ADCK5: variants seen among roughly 807,000 people sequenced by gnomAD.
ADCK5 encodes the protein aarF domain containing kinase 5.
Under a neutral mutation model 64.9 loss-of-function variants are expected in ADCK5, and 43 were observed. The ratio of observed to expected loss-of-function variants is 0.66; its 90% CI spans 0.52 to 0.85. The LOEUF (loss-of-function observed/expected upper bound fraction) is 0.85, where lower values mean the gene tolerates loss of function less well. ADCK5 is among the 40% of genes least tolerant of loss of function. ADCK5 has a pLI of 0.00. For synonymous variants in ADCK5, 434 were observed against 342.8 expected, an observed-to-expected ratio of 1.27 and a Z score of -2.94; for missense variants, 760 against 810.5, an observed-to-expected ratio of 0.94 and a Z score of 0.76.
rs1554860185 is a variant in ADCK5 at position 144,390,657 on chromosome 8, A to T, written c.267-14A>T. The T allele has an allele frequency of 3.7e-6, 6 of 1,612,520 alleles. No homozygotes were observed. On this transcript the variant is annotated splice_polypyrimidine_tract_variant and intron_variant, in intron 3 of 14. Transcript: ENST00000308860. The stretch of plus-strand genomic sequence containing the variant: ...GCCTGCCCCGCTGGAGACTGAGGCC[A>T]CCTCTGCCCGCAGGTCTCTGAAGGT...
intron 1 of ADCK5, among the ~76,000 whole-genome samples, chr8:144,378,927 G>A (rs1819483479): frequency 6.6e-6 from 1 of 151,484 alleles, no homozygotes; most frequent in Admixed American, 6.6e-5. Flanking sequence ...AGTCTTGCTT[G>A]GGTAGTTCTT....
intron 3 of ADCK5, among the ~76,000 whole-genome samples, chr8:144,390,033 G>A (rs939239154): frequency 5.3e-5 from 8 of 151,500 alleles, no homozygotes; most frequent in Admixed American, 5.3e-4. Flanking sequence ...GTTTCACCAT[G>A]TTGGCCAGGC....
rs373186250 is a variant in ADCK5 at position 144,389,445 on chromosome 8, G to A, written c.267-1226G>A. Reference sequence around the variant, plus strand: ...CCCCATCTCTCCAGAGGATGCCACCGTCCATACTGTCCCCTACCCCATCTC... The same window carrying A: ...CCCCATCTCTCCAGAGGATGCCACCATCCATACTGTCCCCTACCCCATCTC... On this transcript the variant is annotated intron_variant, in intron 3 of 14. Transcript: ENST00000308860. The A allele has an allele frequency of 4.1e-3, 1,774 of 433,600 alleles. 48 individuals carry two copies. The highest frequency in any genetic ancestry group is 0.028 in the South Asian group (1,702 of 61,332). 26.9% of individuals were successfully genotyped at this position (433,600 alleles called of 1,614,324 possible).
intron 1 of ADCK5, among the ~76,000 whole-genome samples, chr8:144,378,958 G>C (rs1332103361): frequency 6.6e-6 from 1 of 150,704 alleles, no homozygotes; most frequent in Non-Finnish European, 1.5e-5. Flanking sequence ...TCTTGAGATG[G>C]AGTTTCGCTC....
At position 144,392,800 on chromosome 8, in the gene ADCK5, G is replaced by A. The variant is rs781833054; in HGVS notation, c.1545G>A (p.Leu515=). The A allele has an allele frequency of 1.3e-6, 2 of 1,592,796 alleles. No homozygotes were observed. Among genetic ancestry groups the A allele is most frequent in the South Asian group, 2.2e-5 (2 of 89,596 alleles). The change falls in exon 14 of 15, where the codon CTG becomes CTA. Residue 515 remains leucine, a synonymous_variant. Coordinates refer to ENST00000308860, the MANE Select transcript of ADCK5 (RefSeq NM_174922.5). ...GGGCTGTCCGGGGCTGGAGCCGCCT[G>A]GCGGGCGCCACGTATCGGGGTGTCT... is the stretch of plus-strand genomic sequence containing the variant. ...AKRAVRGWSR[L]AGATYRGVYG...
chr8:144,393,187 A>T lies in ADCK5; in HGVS notation c.*113A>T. The T allele has an allele frequency of 7.4e-7, 1 of 1,345,928 alleles. No individual in the cohort carries two copies. Among genetic ancestry groups the T allele is most frequent in the Non-Finnish European group, 9.9e-7 (1 of 1,006,368 alleles). 83.4% of individuals were successfully genotyped at this position (1,345,928 alleles called of 1,614,324 possible). A position where few individuals can be genotyped will look rare whatever the true frequency, so the allele number is the denominator to read the frequency against. ...TGGGCACTCGCACTGGGGGGCTGTGACAGCAGCTGGGCCAGGAGGCCGTGT... is the reference window on the plus strand; with the variant it reads ...TGGGCACTCGCACTGGGGGGCTGTGTCAGCAGCTGGGCCAGGAGGCCGTGT... On this transcript the variant is annotated 3_prime_UTR_variant, in exon 15 of 15. Coordinates refer to ENST00000308860, the MANE Select transcript of ADCK5 (RefSeq NM_174922.5).
chr8:144,375,013 G>A (rs1819308567), intron 1 of ADCK5, among the ~76,000 whole-genome samples: 1 of 152,234 alleles, frequency 6.6e-6, no homozygotes, highest in South Asian at 2.1e-4. Context: ...TTGGCGATAA[G>A]CTAGCCTTGC....
Position 144,383,217 on chromosome 8 carries a change from G to A in ADCK5, c.253G>A (p.Gly85Arg). The part of the protein sequence containing the change: ...RRMRLVVDGM[G>R]RFGRSLKVGL... ...GATGCGGCTCGTGGTGGATGGCATG[G>A]GGCGCTTTGGCAGGTAGGAGGGCCT... Residue 85 changes from glycine to arginine, a missense_variant, in exon 3 of 15, where the codon GGG (glycine) becomes AGG (arginine). By Grantham distance (125) the Gly-to-Arg change is moderately radical. Around this residue, in one of 2 missense-constraint regions of ADCK5, gnomAD observed 427 missense variants for 518.4 expected, o/e 0.82. Coordinates refer to ENST00000308860, the MANE Select transcript of ADCK5 (RefSeq NM_174922.5). 6.3e-7 allele frequency: 1 copy of A among 1,582,840 alleles called. No homozygotes were observed. Among genetic ancestry groups the A allele is most frequent in the African/African-American group, 1.3e-5 (1 of 74,604 alleles).
chr8:144,379,535 T>C, intron 2 of ADCK5, 45 bp downstream of exon 2: 1 of 1,478,982 alleles, frequency 6.8e-7, no homozygotes, highest in African/African-American at 1.4e-5. Context: ...CAGGCAGGCA[T>C]GGATGGCGTC....
rs1275911397 is a variant in ADCK5 at position 144,393,140 on chromosome 8, G to C, written c.*66G>C. The C allele has an allele frequency of 1.0e-5, 15 of 1,436,976 alleles. No individual in the cohort carries two copies. The highest frequency in any genetic ancestry group is 1.4e-5 in the African/African-American group (1 of 69,918). 89.0% of individuals were successfully genotyped at this position (1,436,976 alleles called of 1,614,324 possible). ...GGCTGACGGAGGTGGCGGGGCTAGA[G>C]GTGTAGACACCCCGAGCCCCGTGGG... On this transcript the variant is annotated 3_prime_UTR_variant, in exon 15 of 15. Coordinates refer to ENST00000308860, the MANE Select transcript of ADCK5 (RefSeq NM_174922.5).
intron 3 of ADCK5, among the ~76,000 whole-genome samples, chr8:144,389,553 G>A (rs964761802): frequency 6.6e-6 from 1 of 152,070 alleles, no homozygotes; most frequent in African/African-American, 2.4e-5. Context: ...TTTGTTTTTT[G>A]AGACGGAGTC....
At chr8:144,374,130 G>T (rs1819267146) in intron 1 of ADCK5, 23 bp downstream of exon 1, 5 of 1,248,574 alleles carry the variant, frequency 4.0e-6, no homozygotes, top group Non-Finnish European at 5.1e-6. Context: ...CCGGCCCGGG[G>T]CGCCCGAGAT....
intron 3 of ADCK5, 46 bp from the exon 4 acceptor site, chr8:144,390,625 G>GC: frequency 6.3e-7 from 1 of 1,595,622 alleles, no homozygotes; most frequent in South Asian, 1.1e-5. Flanking sequence ...AAGCACCGGG[G>GC]CCCCGAGCCT....
intron 12 of ADCK5, 31 bp from the exon 13 acceptor site, chr8:144,392,414 C>CCCCCG: frequency 4.9e-6 from 7 of 1,435,482 alleles, no homozygotes; most frequent in Non-Finnish European, 6.4e-6. Flanking sequence ...CACTCAGAGC[C>CCCCCG]CCCTCCCTCC....
At position 144,376,998 on chromosome 8, in the gene ADCK5, A is replaced by C. The variant is rs117333935; in HGVS notation, c.13-2389A>C. 2.9e-3 allele frequency among the ~76,000 whole-genome samples: 435 copies of C among 152,356 alleles called. 5 individuals carry two copies. In the East Asian group the frequency reaches 0.041, roughly 14 times the overall value. ...GCTTTCATGTTGTTTGGAGTCCTCA[A>C]AATTTTCTCCAGGGCTCTGAGCTCT... On this transcript the variant is annotated intron_variant, in intron 1 of 14. Transcript: ENST00000308860. This position sits in a 1 kb window ranked among gnomAD's most constrained non-coding sequence, Gnocchi z 5.1.
Position 144,384,025 on chromosome 8 carries a change from G to A in ADCK5, c.266+795G>A, listed in dbSNP as rs983493826. The stretch of plus-strand genomic sequence containing the variant: ...TCCTGCCTCAGCCTCCTGAGTAGCC[G>A]GGACTACAGGTGCCCACCACCATGC... On this transcript the variant is annotated intron_variant, in intron 3 of 14. Coordinates refer to ENST00000308860, the MANE Select transcript of ADCK5 (RefSeq NM_174922.5). This position sits in a 1 kb window ranked among gnomAD's most constrained non-coding sequence, Gnocchi z 5.7. 1.1e-4 allele frequency among the ~76,000 whole-genome samples: 17 copies of A among 151,536 alleles called. No individual in the cohort carries two copies. Among genetic ancestry groups the A allele is most frequent in the African/African-American group, 3.6e-4 (15 of 41,212 alleles).
intron 3 of ADCK5, 88 bp from the exon 4 acceptor site, chr8:144,390,583 G>A: frequency 1.5e-6 from 2 of 1,377,616 alleles, no homozygotes; most frequent in Middle Eastern, 2.2e-4. Flanking sequence ...GCCGGGGTGA[G>A]GCTAGACCAT....
chr8:144,379,560 G>A, intron 2 of ADCK5, 70 bp downstream of exon 2: 1 of 1,311,642 alleles, frequency 7.6e-7, no homozygotes, highest in Non-Finnish European at 1.0e-6. Flanking sequence ...TGCATGCAGA[G>A]GTGGCAGTCG....
At position 144,391,942 on chromosome 8, in the gene ADCK5, T is replaced by C. The variant is rs980997052; in HGVS notation, c.1016T>C (p.Ile339Thr). 1.2e-6 allele frequency: 2 copies of C among 1,612,492 alleles called. No individual in the cohort carries two copies. Among genetic ancestry groups the C allele is most frequent in the Non-Finnish European group, 1.7e-6 (2 of 1,179,974 alleles). ...CTGCAATGCCTCTCCTCTCCCCAGATAGCAGAAAAGCTCATCAAGGCCTTT... is the reference window on the plus strand; with the variant it reads ...CTGCAATGCCTCTCCTCTCCCCAGACAGCAGAAAAGCTCATCAAGGCCTTT... ...IRSQGLAVHD[I>T]AEKLIKAFAE... The change falls in exon 10 of 15, where the codon ATA (isoleucine) becomes ACA (threonine). Residue 339 changes from isoleucine to threonine, a missense_variant and splice_region_variant. This residue lies in a region of ADCK5 where 427 missense variants were observed against 518.4 expected (regional missense o/e 0.82). Transcript: ENST00000308860.
Sources: gnomAD v4.1 joint callset for allele counts (sites outside exome capture counted in the v4.1 genomes callset) on GRCh38, gnomAD v4.1.1 for gene constraint, gnomAD v4.1.1 regional missense constraint, Gnocchi (gnomAD v3.1) non-coding constraint, MANE v1.5 for transcripts, NCBI Gene and HGNC (gene_info 2026-07-23, HGNC 2026-07-21) for gene names.